MYO3B: variants seen among roughly 807,000 people sequenced by gnomAD.
The protein encoded by MYO3B is myosin-IIIb.
MYO3B carries 156 observed loss-of-function variants against 174.6 expected under a neutral mutation model. The observed-to-expected ratio is 0.89, with a 90% CI of 0.78 to 1.02. MYO3B has a LOEUF of 1.02. MYO3B is among the 50% of genes least tolerant of loss of function. The probability of loss-of-function intolerance (pLI) is 0.00; values close to 1 mark genes in which losing one functional copy is unlikely to be tolerated. For missense variants in MYO3B, 1,632 were observed against 1,639.4 expected (o/e 1.00, Z 0.08); for synonymous variants, 563 against 569.1 (o/e 0.99, Z 0.15).
At chr2:170,611,423 A>G (rs939979841) in intron 32 of MYO3B, among the ~76,000 whole-genome samples, 1 of 152,198 alleles carries the variant, frequency 6.6e-6, no homozygotes, top group African/African-American at 2.4e-5. Flanking sequence ...CCCCTGGAAT[A>G]ACACTTATTG....
chr2:170,409,219 C>T (rs79057361), intron 22 of MYO3B, among the ~76,000 whole-genome samples: 2,896 of 152,264 alleles, frequency 0.019, 94 homozygotes, highest in African/African-American at 0.067. Context: ...AACCATTTAA[C>T]AGCCTGGACC....
At chr2:170,565,821 A>G (rs1278621501) in intron 32 of MYO3B, among the ~76,000 whole-genome samples, 2 of 152,244 alleles carry the variant, frequency 1.3e-5, no homozygotes, top group East Asian at 3.8e-4. Flanking sequence ...ATGTAACTGC[A>G]TACAATACTT....
At chr2:170,401,759 C>A in intron 18 of MYO3B, 68 bp downstream of exon 18, 1 of 1,377,668 alleles carries the variant, frequency 7.3e-7, no homozygotes, top group South Asian at 1.2e-5. Flanking sequence ...TTAGAGTTTG[C>A]AAAAGGAAGC....
chr2:170,448,654 G>C (rs1038835674), intron 23 of MYO3B, among the ~76,000 whole-genome samples: 50 of 152,320 alleles, frequency 3.3e-4, no homozygotes, highest in Admixed American at 2.4e-3. Flanking sequence ...GGGATAAGCA[G>C]TGCAATTCCA....
intron 29 of MYO3B, among the ~76,000 whole-genome samples, chr2:170,517,332 A>T (rs1688379259): frequency 6.6e-6 from 1 of 152,222 alleles, no homozygotes; most frequent in Admixed American, 6.5e-5. Context: ...TTCTATGGAA[A>T]CCCCAGCAAA....
chr2:170,487,009 A>T (rs560562248), intron 25 of MYO3B, among the ~76,000 whole-genome samples: 2 of 152,334 alleles, frequency 1.3e-5, no homozygotes, highest in East Asian at 3.9e-4. Flanking sequence ...AGTTTATTAA[A>T]ATATAGACTC....
intron 23 of MYO3B, among the ~76,000 whole-genome samples, chr2:170,461,613 C>T (rs1193422313): frequency 2.0e-5 from 3 of 151,510 alleles, no homozygotes; most frequent in African/African-American, 7.3e-5. Flanking sequence ...TCATCTCTAC[C>T]AAAAATACAA....
At chr2:170,581,238 G>T (rs1417368609) in intron 32 of MYO3B, among the ~76,000 whole-genome samples, 1 of 151,950 alleles carries the variant, frequency 6.6e-6, no homozygotes. Flanking sequence ...ATGACATATC[G>T]CTTTTTTTGC....
At chr2:170,382,349 C>G (rs933044435) in intron 10 of MYO3B, 12 of 359,426 alleles carry the variant, frequency 3.3e-5, no homozygotes, top group Non-Finnish European at 5.6e-5. Context: ...CAATAAAGCT[C>G]TTTATATTGT....
At chr2:170,281,443 T>C (rs1418620130) in intron 7 of MYO3B, among the ~76,000 whole-genome samples, 1 of 152,120 alleles carries the variant, frequency 6.6e-6, no homozygotes, top group African/African-American at 2.4e-5. Flanking sequence ...GCAATAAAAA[T>C]AGGATTCAAG....
intron 3 of MYO3B, among the ~76,000 whole-genome samples, chr2:170,203,499 G>A (rs1315722001): frequency 5.0e-5 from 6 of 120,966 alleles, no homozygotes; most frequent in South Asian, 2.5e-4. Flanking sequence ...AGGGGGCGGC[G>A]GGGGGGGGAG....
intron 7 of MYO3B, among the ~76,000 whole-genome samples, chr2:170,256,263 T>G (rs2093303578): frequency 6.6e-6 from 1 of 152,166 alleles, no homozygotes; most frequent in African/African-American, 2.4e-5. Flanking sequence ...AAGGTTAATA[T>G]GCAAATTCAA....
chr2:170,566,778 A>G (rs73029084), intron 32 of MYO3B, among the ~76,000 whole-genome samples: 1 of 152,158 alleles, frequency 6.6e-6, no homozygotes, highest in Non-Finnish European at 1.5e-5. Flanking sequence ...TCTCTATATA[A>G]ATCTGGAGTT....
intron 8 of MYO3B, among the ~76,000 whole-genome samples, chr2:170,355,442 C>T (rs377500733): frequency 8.5e-5 from 13 of 152,318 alleles, no homozygotes; most frequent in Admixed American, 1.3e-4. Flanking sequence ...AATGCCAGTA[C>T]GACTATTGCA....
chr2:170,199,474 T>A, intron 2 of MYO3B, 83 bp downstream of exon 2: 1 of 1,107,444 alleles, frequency 9.0e-7, no homozygotes, highest in South Asian at 2.2e-5. Flanking sequence ...ATTTTAGGTT[T>A]AATTTTCATG....
At chr2:170,578,844 C>T (rs1692958149) in intron 32 of MYO3B, among the ~76,000 whole-genome samples, 1 of 152,246 alleles carries the variant, frequency 6.6e-6, no homozygotes, top group African/African-American at 2.4e-5. Context: ...GAAACCTACC[C>T]AAGGCTTGGC....
In MYO3B at chr2:170,240,141, A is replaced by G. The variant is rs79022572; in HGVS notation, c.749+4005A>G. ...TCATCTGGGGATCCTTGCCTTAATT[A>G]CATCTGCAAAAATTCTTATTCCAAA... On this transcript the variant is annotated intron_variant, in intron 7 of 34. Coordinates refer to ENST00000408978, the MANE Select transcript of MYO3B (RefSeq NM_138995.5). Among the ~76,000 whole-genome samples the G allele has an allele frequency of 0.011, 1,740 of 152,282 alleles. 110 individuals are homozygous for G. The East Asian group carries it at 0.2, about 17-fold the overall frequency.
chr2:170,244,133 G>T (rs1181862548), intron 7 of MYO3B, among the ~76,000 whole-genome samples: 1 of 152,138 alleles, frequency 6.6e-6, no homozygotes, highest in Non-Finnish European at 1.5e-5. Context: ...AGTTTTTGTG[G>T]TGGTTTTGTG....
At position 170,335,464 on chromosome 2, in the gene MYO3B, C is replaced by T; in HGVS notation, c.815+14C>T. ...CTTTATTTCACAGTGAGTATTTCTT[C>T]CACTAAAAATTGCCCATCTAGCAAG... On this transcript the variant is annotated intron_variant, in intron 8 of 34. Transcript: ENST00000408978. 6.2e-7 allele frequency: 1 copy of T among 1,606,468 alleles called. No individual in the cohort carries two copies. Among genetic ancestry groups the T allele is most frequent in the African/African-American group, 1.3e-5 (1 of 74,840 alleles).
Sources: gnomAD v4.1 joint callset for allele counts (sites outside exome capture counted in the v4.1 genomes callset) on GRCh38, gnomAD v4.1.1 for gene constraint, MANE v1.5 for transcripts, NCBI Gene and HGNC (gene_info 2026-07-23, HGNC 2026-07-21) for gene names.